ADAMTS9: variants seen among roughly 807,000 people sequenced by gnomAD.
ADAMTS9 encodes ADAM metallopeptidase with thrombospondin type 1 motif 9.
In ADAMTS9, 107 loss-of-function variants were observed where a neutral mutation model predicts 257.1. The observed-to-expected ratio is 0.42, with a 90% CI of 0.36 to 0.49. The LOEUF is 0.49. Among genes scored for constraint, ADAMTS9 ranks in the 20% least tolerant of loss-of-function variants. ADAMTS9 has a pLI of 0.03. For missense variants in ADAMTS9, 2,353 were observed against 2,469.1 expected, an observed-to-expected ratio of 0.95 and a Z score of 1.00; for synonymous variants, 982 against 880.9, an observed-to-expected ratio of 1.11 and a Z score of -2.03.
At chr3:64,618,049 T>C (rs1291645665) in intron 19 of ADAMTS9, among the ~76,000 whole-genome samples, 1 of 152,180 alleles carries the variant, frequency 6.6e-6, no homozygotes, top group Non-Finnish European at 1.5e-5. Flanking sequence ...CAGTGAACGA[T>C]TTTATTTTCC....
At chr3:64,591,987 T>A (rs532289962) in intron 28 of ADAMTS9, among the ~76,000 whole-genome samples, 63 of 152,308 alleles carry the variant, frequency 4.1e-4, no homozygotes, top group Admixed American at 2.6e-3. Flanking sequence ...TTAACACAAT[T>A]ACTGAGGTAT....
Position 64,641,832 on chromosome 3 carries a change from A to G in ADAMTS9, c.1856+16T>C. ...CTGCCACGGCAGTAATAACAGTTATACATTCTAGGACTTACTCTGGTCTGT... is the reference window on the plus strand; with the variant it reads ...CTGCCACGGCAGTAATAACAGTTATGCATTCTAGGACTTACTCTGGTCTGT... On this transcript the variant is annotated intron_variant, in intron 12 of 39. Transcript: ENST00000498707. The G allele has an allele frequency of 1.2e-6, 2 of 1,613,198 alleles. No individual in the cohort carries two copies. Among genetic ancestry groups the G allele is most frequent in the Non-Finnish European group, 1.7e-6 (2 of 1,179,614 alleles).
intron 30 of ADAMTS9, among the ~76,000 whole-genome samples, chr3:64,554,827 T>A (rs1169819562): frequency 6.6e-6 from 1 of 152,208 alleles, no homozygotes; most frequent in East Asian, 1.9e-4. Flanking sequence ...AATTTGAGGG[T>A]GAGGAAGACC....
chr3:64,541,050 G>A (rs1479506688), intron 36 of ADAMTS9, 45 bp downstream of exon 36: 1 of 1,608,738 alleles, frequency 6.2e-7, no homozygotes, highest in Non-Finnish European at 8.5e-7. Context: ...TGTCTGAATG[G>A]AGAGAAGAAC....
In ADAMTS9 at chr3:64,615,564, C is replaced by G. The variant is rs149916926; in HGVS notation, c.3025-79G>C. On this transcript the variant is annotated intron_variant, in intron 20 of 39. Transcript: ENST00000498707. ...GCTGAAGATCCTGGCTATGTTGTCT[C>G]TTCCAGCTCTTAAGAAACAACACAC... is the stretch of plus-strand genomic sequence containing the variant. The G allele has an allele frequency of 8.5e-5, 120 of 1,404,192 alleles. No homozygotes were observed. The East Asian group carries it at 2.9e-3, about 34-fold the overall frequency. 87.0% of individuals were successfully genotyped at this position (1,404,192 alleles called of 1,614,324 possible). A position where few individuals can be genotyped will look rare whatever the true frequency, so the allele number is the denominator to read the frequency against.
chr3:64,622,961 G>A (rs1700143434), intron 16 of ADAMTS9, among the ~76,000 whole-genome samples: 3 of 152,162 alleles, frequency 2.0e-5, no homozygotes, highest in Admixed American at 6.5e-5. Flanking sequence ...TTAGTGAACG[G>A]AACACTTACA....
At chr3:64,528,795 G>A (rs2082941881) in intron 38 of ADAMTS9, among the ~76,000 whole-genome samples, 1 of 152,146 alleles carries the variant, frequency 6.6e-6, no homozygotes, top group South Asian at 2.1e-4. Flanking sequence ...TTTCATTTAT[G>A]TTTCACAATA....
At chr3:64,598,526 C>T (rs1281241387) in intron 26 of ADAMTS9, among the ~76,000 whole-genome samples, 1 of 151,956 alleles carries the variant, frequency 6.6e-6, no homozygotes, top group Non-Finnish European at 1.5e-5. Context: ...CACTATGTTG[C>T]CCCAACTGGT....
At chr3:64,624,903 C>CTTG (rs1700190987) in intron 16 of ADAMTS9, among the ~76,000 whole-genome samples, 1 of 152,066 alleles carries the variant, frequency 6.6e-6, no homozygotes, top group South Asian at 2.1e-4. Flanking sequence ...CCCCTGGTAC[C>CTTG]ACTGCTCCTT....
In ADAMTS9 at chr3:64,539,407, T is replaced by C. The variant is rs2106907110; in HGVS notation, c.5522-113A>G. 2.0e-5 allele frequency: 17 copies of C among 834,896 alleles called. No homozygotes were observed. The South Asian group carries it at 2.1e-4, about 10-fold the overall frequency. The allele number at this position is 834,896 out of a possible 1,614,324, so 51.7% of individuals were successfully genotyped here. A position where few individuals can be genotyped will look rare whatever the true frequency, so the allele number is the denominator to read the frequency against. On this transcript the variant is annotated intron_variant, in intron 36 of 39. Transcript: ENST00000498707. ...AGGGAAGAAGAAGAATAAGAGGGAA[T>C]GGGAGAGAAAGAAGCAATGTGAAAT...
chr3:64,665,922 T>C (rs1701345104), intron 3 of ADAMTS9, among the ~76,000 whole-genome samples: 2 of 152,196 alleles, frequency 1.3e-5, no homozygotes, highest in Non-Finnish European at 2.9e-5. Context: ...AGAGAATTTC[T>C]TATAAATTAT....
At chr3:64,633,411 G>A (rs1160545989) in intron 14 of ADAMTS9, 61 bp downstream of exon 14, 15 of 1,600,234 alleles carry the variant, frequency 9.4e-6, no homozygotes, top group Non-Finnish European at 1.1e-5. Context: ...TATCTAGGAA[G>A]CCACAAATCA....
At position 64,687,435 on chromosome 3, in the gene ADAMTS9, T is replaced by A. The variant is rs571782187; in HGVS notation, c.115+108A>T. On this transcript the variant is annotated intron_variant, in intron 1 of 39. Transcript: ENST00000498707. This position sits in a 1 kb window ranked among gnomAD's most constrained non-coding sequence, Gnocchi z 4.4. ...AGGCTGCAAAGCGGGAGATAATTCT[T>A]TCTAGGAAAAGGAGAGAAGCCTCCG... The A allele has an allele frequency of 2.1e-5, 19 of 915,992 alleles. 1 individual carries two copies. In the South Asian group the frequency reaches 3.4e-4, roughly 16 times the overall value. The allele number at this position is 915,992 out of a possible 1,614,324, so 56.7% of individuals were successfully genotyped here.
At chr3:64,684,003 A>G (rs1299582570) in intron 2 of ADAMTS9, among the ~76,000 whole-genome samples, 1 of 152,196 alleles carries the variant, frequency 6.6e-6, no homozygotes, top group African/African-American at 2.4e-5. Flanking sequence ...AAAGAAGGGT[A>G]GGATTTGAGC....
intron 30 of ADAMTS9, among the ~76,000 whole-genome samples, chr3:64,552,434 A>G (rs1426586679): frequency 1.3e-5 from 2 of 152,222 alleles, no homozygotes; most frequent in South Asian, 4.1e-4. Context: ...GGGAAGCCCC[A>G]GTGAGCTAAG....
chr3:64,618,765 T>C (rs543518410), intron 19 of ADAMTS9, among the ~76,000 whole-genome samples: 1 of 152,282 alleles, frequency 6.6e-6, no homozygotes, highest in East Asian at 1.9e-4. Flanking sequence ...CCAACCAAGT[T>C]TTAAGCATCA....
rs112904466 is a variant in ADAMTS9 at position 64,578,657 on chromosome 3, A to G, written c.4357-10122T>C. On this transcript the variant is annotated intron_variant, in intron 28 of 39. Coordinates refer to ENST00000498707, the MANE Select transcript of ADAMTS9 (RefSeq NM_182920.2). ...GACGCCTACACATCTCAAACTTAAC[A>G]TGTTCAAAACAGAAGTCCTGCTCTT... Among the ~76,000 whole-genome samples, 1,450 of 152,316 alleles carry G rather than the reference A, an allele frequency of 9.5e-3. 24 individuals are homozygous for G. Among genetic ancestry groups the G allele is most frequent in the African/African-American group, 0.033 (1,359 of 41,582 alleles).
chr3:64,568,331 G>C, intron 29 of ADAMTS9, 37 bp downstream of exon 29: 4 of 1,574,036 alleles, frequency 2.5e-6, no homozygotes, highest in Non-Finnish European at 3.4e-6. Flanking sequence ...GTGGCCAAAC[G>C]TAAGGAAGCA....
At chr3:64,528,428 G>T (rs1163425859) in intron 38 of ADAMTS9, among the ~76,000 whole-genome samples, 1 of 152,096 alleles carries the variant, frequency 6.6e-6, no homozygotes, top group African/African-American at 2.4e-5. Flanking sequence ...CCTCCTTTCT[G>T]TCTGTCTGTC....
Sources: allele counts gnomAD v4.1 joint callset (sites outside exome capture counted in the v4.1 genomes callset), GRCh38; gene constraint gnomAD v4.1.1; non-coding constraint Gnocchi (gnomAD v3.1); transcripts MANE v1.5; gene names NCBI Gene and HGNC (gene_info 2026-07-23, HGNC 2026-07-21).